CSMD1: variants seen among roughly 807,000 people sequenced by gnomAD.
CSMD1 encodes CUB and sushi domain-containing protein 1.
A neutral mutation model predicts 417.5 loss-of-function variants in CSMD1; 213 were observed. That is an observed-to-expected ratio of 0.51 (90% CI 0.46 to 0.57). The LOEUF (loss-of-function observed/expected upper bound fraction) is 0.57. CSMD1 is among the 20% of genes least tolerant of loss of function. CSMD1 has a pLI of 0.00. For synonymous variants in CSMD1, 2,862 were observed against 1,736.8 expected (o/e 1.65, Z -16.11); for missense variants, 6,923 against 4,529.7 (o/e 1.53, Z -15.17).
chr8:4,808,989 G>A (rs574884531), intron 1 of CSMD1, among the ~76,000 whole-genome samples: 363 of 152,284 alleles, frequency 2.4e-3, no homozygotes, highest in African/African-American at 8.5e-3. Context: ...AAAATTGGAG[G>A]ACATTTTGCT....
chr8:4,587,652 A>T (rs2617076), intron 2 of CSMD1, among the ~76,000 whole-genome samples: 2 of 151,884 alleles, frequency 1.3e-5, no homozygotes, highest in African/African-American at 4.8e-5. Flanking sequence ...CATTTACTGA[A>T]GAGAACTATG....
At chr8:3,776,230 T>G (rs1208911872) in intron 5 of CSMD1, among the ~76,000 whole-genome samples, 1 of 152,206 alleles carries the variant, frequency 6.6e-6, no homozygotes, top group East Asian at 1.9e-4. Context: ...CTCATCCGGA[T>G]GGAGGTCACA....
chr8:3,356,171 G>C (rs750290177), intron 21 of CSMD1, among the ~76,000 whole-genome samples: 1 of 152,076 alleles, frequency 6.6e-6, no homozygotes, highest in Non-Finnish European at 1.5e-5. Flanking sequence ...TGCAACCTTT[G>C]GTATGGATTT....
chr8:3,704,538 A>G (rs184594690), intron 7 of CSMD1, among the ~76,000 whole-genome samples: 256 of 152,306 alleles, frequency 1.7e-3, no homozygotes, highest in Non-Finnish European at 1.9e-3. Flanking sequence ...AGCTAGAGAG[A>G]TAAGAGGAGT....
chr8:3,853,746 C>A (rs1042831339), intron 5 of CSMD1, among the ~76,000 whole-genome samples: 5 of 151,790 alleles, frequency 3.3e-5, no homozygotes, highest in Admixed American at 2.6e-4. Context: ...GGAAGGACAG[C>A]ATTAGGAGAT....
chr8:3,684,303 T>C (rs1194743903), intron 7 of CSMD1, among the ~76,000 whole-genome samples: 3 of 145,126 alleles, frequency 2.1e-5, no homozygotes, highest in Non-Finnish European at 3.0e-5. Context: ...ATAAATTATA[T>C]ATTATATAAA....
chr8:3,105,465 G>T (rs1268734478), intron 46 of CSMD1, among the ~76,000 whole-genome samples: 1 of 152,210 alleles, frequency 6.6e-6, no homozygotes, highest in East Asian at 1.9e-4. Context: ...ACTTACTTGA[G>T]CATTTGAGCT....
chr8:4,719,400 A>G (rs1024741429), intron 1 of CSMD1, among the ~76,000 whole-genome samples: 1 of 152,018 alleles, frequency 6.6e-6, no homozygotes, highest in Non-Finnish European at 1.5e-5. Flanking sequence ...TTCCTGCCCT[A>G]TAATTCTCTG....
chr8:4,161,825 A>G (rs1180732840), intron 3 of CSMD1, among the ~76,000 whole-genome samples: 3 of 152,208 alleles, frequency 2.0e-5, no homozygotes, highest in Non-Finnish European at 4.4e-5. Context: ...AATCTGCTAT[A>G]TGATATGTCA....
intron 3 of CSMD1, among the ~76,000 whole-genome samples, chr8:4,291,369 C>T (rs1037452447): frequency 5.3e-5 from 8 of 151,966 alleles, no homozygotes; most frequent in South Asian, 4.1e-4. Context: ...AAACAAAATA[C>T]AAATTTATAC....
At chr8:4,568,169 G>A (rs528573037) in intron 2 of CSMD1, among the ~76,000 whole-genome samples, 1 of 152,084 alleles carries the variant, frequency 6.6e-6, no homozygotes, top group African/African-American at 2.4e-5. Context: ...TATAAGTTAT[G>A]GGATACATGT....
intron 5 of CSMD1, among the ~76,000 whole-genome samples, chr8:3,978,259 T>G (rs1005941199): frequency 6.6e-6 from 1 of 152,168 alleles, no homozygotes. Flanking sequence ...AGAGGTGACC[T>G]GACATGGGAG....
At chr8:4,642,399 G>C (rs1013069624) in intron 1 of CSMD1, among the ~76,000 whole-genome samples, 1 of 152,130 alleles carries the variant, frequency 6.6e-6, no homozygotes, top group Middle Eastern at 3.2e-3. Context: ...CCTACAGTTG[G>C]TTGGCTCCTC....
rs377609200 is a variant in CSMD1 at position 4,964,495 on chromosome 8, C to A, written c.85+29837G>T. On this transcript the variant is annotated intron_variant, in intron 1 of 69. Coordinates refer to ENST00000635120, the MANE Select transcript of CSMD1 (RefSeq NM_033225.6). Reference sequence around the variant, plus strand: ...GATCCCATCACAACACAGCAAGACCCTGTCTCCAAAAAAAAAAAAAAAAAA... The same window carrying A: ...GATCCCATCACAACACAGCAAGACCATGTCTCCAAAAAAAAAAAAAAAAAA... Among the ~76,000 whole-genome samples the A allele has an allele frequency of 1.2e-4, 8 of 67,716 alleles. 1 individual carries two copies. Among genetic ancestry groups the A allele is most frequent in the Admixed American group, 7.5e-4 (4 of 5,368 alleles). The allele number at this position is 67,716 out of a possible 152,430, so 44.4% of individuals were successfully genotyped here. A position where few individuals can be genotyped will look rare whatever the true frequency, so the allele number is the denominator to read the frequency against.
At chr8:4,789,100 T>A (rs1178076987) in intron 1 of CSMD1, among the ~76,000 whole-genome samples, 1 of 152,176 alleles carries the variant, frequency 6.6e-6, no homozygotes, top group Non-Finnish European at 1.5e-5. Context: ...AAGGTAATCA[T>A]GAGAAAGCTA....
chr8:3,013,090 T>G (rs1186076324), intron 52 of CSMD1, among the ~76,000 whole-genome samples: 2 of 152,182 alleles, frequency 1.3e-5, no homozygotes, highest in Non-Finnish European at 2.9e-5. Flanking sequence ...TTAAACTCCT[T>G]TCCTTTATAA....
At chr8:3,694,836 A>G (rs917018324) in intron 7 of CSMD1, among the ~76,000 whole-genome samples, 1 of 152,148 alleles carries the variant, frequency 6.6e-6, no homozygotes, top group African/African-American at 2.4e-5. Flanking sequence ...GGAATGAGCC[A>G]GGACATGAAG....
chr8:4,954,676 T>C (rs1398476077), intron 1 of CSMD1, among the ~76,000 whole-genome samples: 1 of 152,222 alleles, frequency 6.6e-6, no homozygotes, highest in East Asian at 1.9e-4. Flanking sequence ...TTCATGTGTG[T>C]GAATGTTCCT....
chr8:4,961,607 C>A (rs748571153), intron 1 of CSMD1, among the ~76,000 whole-genome samples: 7 of 152,030 alleles, frequency 4.6e-5, no homozygotes, highest in Non-Finnish European at 8.8e-5. Flanking sequence ...AATTCTGTGC[C>A]GTTTTGTCGC....
Sources: allele counts gnomAD v4.1 joint callset (sites outside exome capture counted in the v4.1 genomes callset), GRCh38; gene constraint gnomAD v4.1.1; transcripts MANE v1.5; gene names NCBI Gene and HGNC (gene_info 2026-07-23, HGNC 2026-07-21).